Variants in PACRG observed in about 807,000 individuals in gnomAD.
PACRG encodes parkin coregulated.
PACRG carries 29 observed loss-of-function variants against 29.7 expected under a neutral mutation model. The observed-to-expected ratio is 0.98, with a 90% CI of 0.73 to 1.33. The LOEUF (loss-of-function observed/expected upper bound fraction) is 1.33, where lower values mean the gene tolerates loss of function less well. Among genes scored for constraint, PACRG ranks in the 40% most tolerant of loss-of-function variants. PACRG has a pLI of 0.00. For synonymous variants in PACRG, 116 were observed against 118.7 expected, an observed-to-expected ratio of 0.98 and a Z score of 0.15; for missense variants, 279 against 316.2, an observed-to-expected ratio of 0.88 and a Z score of 0.89.
At chr6:163,096,000 G>C (rs1358963416) in intron 4 of PACRG, among the ~76,000 whole-genome samples, 1 of 152,148 alleles carries the variant, frequency 6.6e-6, no homozygotes, top group Admixed American at 6.5e-5. Flanking sequence ...GCTGTAACTA[G>C]TGTTACTGAG....
chr6:163,262,896 A>C (rs1783384064), intron 4 of PACRG, among the ~76,000 whole-genome samples: 1 of 142,078 alleles, frequency 7.0e-6, no homozygotes, highest in Non-Finnish European at 1.5e-5. Flanking sequence ...TAAAAATTTA[A>C]AAAATTAGCC....
At chr6:162,874,561 G>A (rs772893711) in intron 2 of PACRG, among the ~76,000 whole-genome samples, 5 of 152,076 alleles carry the variant, frequency 3.3e-5, no homozygotes. Context: ...ATGGAAGCAC[G>A]TGACCTGCAC....
At chr6:162,968,086 G>A (rs1396609669) in intron 2 of PACRG, among the ~76,000 whole-genome samples, 1 of 152,084 alleles carries the variant, frequency 6.6e-6, no homozygotes, top group African/African-American at 2.4e-5. Context: ...CCTCTGCCAA[G>A]CTGTATTCCA....
At chr6:162,775,974 A>G (rs1410920337) in intron 1 of PACRG, among the ~76,000 whole-genome samples, 2 of 152,214 alleles carry the variant, frequency 1.3e-5, no homozygotes, top group East Asian at 3.8e-4. Context: ...TGAAGCTGAT[A>G]TAACTTGGGA....
chr6:162,733,657 C>T (rs967048879), intron 1 of PACRG, among the ~76,000 whole-genome samples: 2 of 152,064 alleles, frequency 1.3e-5, no homozygotes, highest in Non-Finnish European at 2.9e-5. Flanking sequence ...ATCTGCCCAC[C>T]CTTGCTGCTT....
chr6:162,919,561 C>A (rs906333147), intron 2 of PACRG, among the ~76,000 whole-genome samples: 22 of 152,128 alleles, frequency 1.4e-4, no homozygotes, highest in African/African-American at 5.3e-4. Context: ...AGTAGCAACC[C>A]ATGGTGGCAC....
At chr6:163,002,290 G>A (rs148358702) in intron 2 of PACRG, among the ~76,000 whole-genome samples, 3 of 152,290 alleles carry the variant, frequency 2.0e-5, no homozygotes, top group African/African-American at 7.2e-5. Context: ...GACCATCACA[G>A]CATTCGTTCA....
rs117278135 is a variant in PACRG, at chr6:163,138,388, A to G, written c.613+48980A>G. On this transcript the variant is annotated intron_variant, in intron 4 of 4. Coordinates refer to ENST00000366888, the MANE Select transcript of PACRG (RefSeq NM_001080379.2). The stretch of plus-strand genomic sequence containing the variant: ...CCGTCAGTGTGATAACCCATCTTCT[A>G]GAATGGTAATTAACTCGAGAAGAGG... Among the ~76,000 whole-genome samples, 599 of 152,286 alleles carry G rather than the reference A, an allele frequency of 3.9e-3. 4 individuals are homozygous for G. The highest frequency in any genetic ancestry group is 4.9e-3 in the Admixed American group (75 of 15,300).
intron 2 of PACRG, among the ~76,000 whole-genome samples, chr6:162,877,587 TA>T (rs980283078): frequency 1.5e-4 from 16 of 105,268 alleles, no homozygotes; most frequent in South Asian, 1.2e-3. Context: ...AATATAATAA[TA>T]AAAAAAAGAA....
intron 2 of PACRG, among the ~76,000 whole-genome samples, chr6:162,906,918 C>A (rs1407438543): frequency 6.6e-6 from 1 of 152,116 alleles, no homozygotes; most frequent in Non-Finnish European, 1.5e-5. Context: ...CATATGAAAA[C>A]CAGTGAGTTT....
At chr6:163,045,944 C>A (rs1809315839) in intron 2 of PACRG, among the ~76,000 whole-genome samples, 1 of 152,050 alleles carries the variant, frequency 6.6e-6, no homozygotes, top group Non-Finnish European at 1.5e-5. Flanking sequence ...AAGATGTTCA[C>A]TCCTATACGT....
At chr6:162,759,189 C>A (rs1337441137) in intron 1 of PACRG, among the ~76,000 whole-genome samples, 1 of 152,102 alleles carries the variant, frequency 6.6e-6, no homozygotes, top group African/African-American at 2.4e-5. Context: ...GTTTATTAAC[C>A]TTTAAAAGCA....
chr6:162,905,802 G>A (rs183662861), intron 2 of PACRG, among the ~76,000 whole-genome samples: 2 of 152,290 alleles, frequency 1.3e-5, no homozygotes, highest in East Asian at 3.9e-4. Flanking sequence ...TCAGTGTTTA[G>A]TATGAGTAAG....
chr6:163,094,599 A>C (rs2128306978), intron 4 of PACRG, among the ~76,000 whole-genome samples: 1 of 152,262 alleles, frequency 6.6e-6, no homozygotes, highest in African/African-American at 2.4e-5. Context: ...CGAAGGCAAA[A>C]TGTTTGTGTT....
chr6:163,151,677 C>T (rs1203300142), intron 4 of PACRG, among the ~76,000 whole-genome samples: 1 of 152,148 alleles, frequency 6.6e-6, no homozygotes, highest in Non-Finnish European at 1.5e-5. Flanking sequence ...ATGAATTCAG[C>T]CACATAAATA....
chr6:162,946,069 G>A (rs1798980204), intron 2 of PACRG, among the ~76,000 whole-genome samples: 1 of 151,796 alleles, frequency 6.6e-6, no homozygotes, highest in African/African-American at 2.4e-5. Flanking sequence ...TAGATTTCAA[G>A]TAAACAATCT....
rs76565997 is a variant in PACRG at position 162,989,368 on chromosome 6, G to C, written c.292-72782G>C. Among the ~76,000 whole-genome samples, 91 of 152,282 alleles carry C rather than the reference G, an allele frequency of 6.0e-4. 3 individuals carry two copies. The East Asian group carries it at 0.017, about 29-fold the overall frequency. On this transcript the variant is annotated intron_variant, in intron 2 of 4. Transcript: ENST00000366888. Reference sequence around the variant, plus strand: ...ATCATAATGGCAGATGGAGATAAAAGTACGGTCATGCCTCAGTAGTGGTGG... The same window carrying C: ...ATCATAATGGCAGATGGAGATAAAACTACGGTCATGCCTCAGTAGTGGTGG...
intron 2 of PACRG, chr6:163,051,426 C>CTT (rs1809999307): frequency 6.6e-6 from 1 of 152,018 alleles, no homozygotes; most frequent in South Asian, 2.1e-4. Context: ...TTTACATTTG[C>CTT]TTTGGCCCGG....
At chr6:162,900,071 A>G (rs376758769) in intron 2 of PACRG, among the ~76,000 whole-genome samples, 9 of 152,210 alleles carry the variant, frequency 5.9e-5, no homozygotes, top group African/African-American at 2.2e-4. Context: ...TCAGACCGGA[A>G]CATCGTAATG....
Sources: gnomAD v4.1 joint callset for allele counts (sites outside exome capture counted in the v4.1 genomes callset) on GRCh38, gnomAD v4.1.1 for gene constraint, MANE v1.5 for transcripts, NCBI Gene and HGNC (gene_info 2026-07-23, HGNC 2026-07-21) for gene names.